Variants in SLC25A21 observed in about 807,000 individuals in gnomAD.
SLC25A21 encodes mitochondrial 2-oxodicarboxylate carrier.
In SLC25A21, 47 loss-of-function variants were observed where a neutral mutation model predicts 43.8. That is an observed-to-expected ratio of 1.07 (90% CI 0.85 to 1.37). The LOEUF is 1.37. Ranked by LOEUF, SLC25A21 falls within the 40% of genes most tolerant of loss-of-function variation. SLC25A21 has a pLI of 0.00. For missense variants in SLC25A21, 352 were observed against 350.2 expected (o/e 1.00, Z -0.04); for synonymous variants, 131 against 121.3 (o/e 1.08, Z -0.52).
At chr14:37,052,740 G>A (rs1483950571) in intron 1 of SLC25A21, among the ~76,000 whole-genome samples, 1 of 152,014 alleles carries the variant, frequency 6.6e-6, no homozygotes, top group Non-Finnish European at 1.5e-5. Flanking sequence ...CCAGGTTCAA[G>A]CGATTCTTGT....
At chr14:37,159,160 A>G (rs904937308) in intron 1 of SLC25A21, among the ~76,000 whole-genome samples, 5 of 152,114 alleles carry the variant, frequency 3.3e-5, no homozygotes, top group Admixed American at 6.5e-5. Flanking sequence ...AAGATTGCCC[A>G]AAGCAATCTA....
At chr14:37,095,866 T>C (rs1962684081) in intron 1 of SLC25A21, among the ~76,000 whole-genome samples, 1 of 150,926 alleles carries the variant, frequency 6.6e-6, no homozygotes, top group African/African-American at 2.5e-5. Flanking sequence ...GACCAGGTGA[T>C]CAAAATTAGC....
intron 1 of SLC25A21, among the ~76,000 whole-genome samples, chr14:37,151,172 C>T (rs1249559205): frequency 6.6e-6 from 1 of 152,142 alleles, no homozygotes; most frequent in African/African-American, 2.4e-5. Context: ...GTAGTCTATT[C>T]TAGTTTTTAC....
chr14:36,952,318 A>G (rs1379899430), intron 1 of SLC25A21: 1 of 153,968 alleles, frequency 6.5e-6, no homozygotes, highest in Non-Finnish European at 1.5e-5. Flanking sequence ...GGCAATGTAG[A>G]TATTTAAGCA....
At chr14:36,710,990 G>A (rs1323542615) in intron 7 of SLC25A21, among the ~76,000 whole-genome samples, 2 of 152,072 alleles carry the variant, frequency 1.3e-5, no homozygotes, top group African/African-American at 4.8e-5. Flanking sequence ...TAATAACATA[G>A]TTTCTAGAAA....
At chr14:36,966,978 A>G (rs951322644) in intron 1 of SLC25A21, among the ~76,000 whole-genome samples, 1 of 152,198 alleles carries the variant, frequency 6.6e-6, no homozygotes, top group Non-Finnish European at 1.5e-5. Context: ...TTATTTCTCT[A>G]TATAGAAATA....
chr14:36,968,726 G>A (rs1031637251), intron 1 of SLC25A21, among the ~76,000 whole-genome samples: 1 of 152,082 alleles, frequency 6.6e-6, no homozygotes, highest in African/African-American at 2.4e-5. Context: ...GAGCCTCCCC[G>A]GTATGAGAAT....
chr14:36,908,029 T>C (rs1488407761), intron 1 of SLC25A21, among the ~76,000 whole-genome samples: 13 of 152,176 alleles, frequency 8.5e-5, no homozygotes, highest in Admixed American at 7.9e-4. Flanking sequence ...ATAGAAGATA[T>C]GGTTGGGAGA....
intron 7 of SLC25A21, among the ~76,000 whole-genome samples, chr14:36,710,438 A>C (rs1319660584): frequency 1.3e-5 from 2 of 151,864 alleles, no homozygotes; most frequent in Non-Finnish European, 1.5e-5. Context: ...GAAAGAAAGA[A>C]AGAAAAAGAA....
chr14:37,165,054 C>T (rs1266069990), intron 1 of SLC25A21, among the ~76,000 whole-genome samples: 5 of 152,176 alleles, frequency 3.3e-5, no homozygotes, highest in Non-Finnish European at 7.4e-5. Flanking sequence ...AAAGTAAAAA[C>T]AGAGTAATTG....
chr14:37,022,430 C>T (rs950480494), intron 1 of SLC25A21, among the ~76,000 whole-genome samples: 4 of 151,910 alleles, frequency 2.6e-5, no homozygotes, highest in African/African-American at 7.2e-5. Context: ...TACCCCAACC[C>T]AATTGTTTCT....
chr14:36,800,224 T>C (rs1004966550), intron 3 of SLC25A21, among the ~76,000 whole-genome samples: 6 of 152,158 alleles, frequency 3.9e-5, no homozygotes, highest in African/African-American at 1.4e-4. Flanking sequence ...TCTGGGTATA[T>C]ACACCAAAGA....
At chr14:36,692,371 T>C (rs1166690358) in intron 7 of SLC25A21, among the ~76,000 whole-genome samples, 10 of 152,230 alleles carry the variant, frequency 6.6e-5, no homozygotes, top group Admixed American at 6.5e-4. Flanking sequence ...GTTAACACCC[T>C]ACACATTTGT....
intron 2 of SLC25A21, among the ~76,000 whole-genome samples, chr14:36,831,705 A>G (rs1019279106): frequency 6.7e-6 from 1 of 149,038 alleles, no homozygotes; most frequent in African/African-American, 2.5e-5. Flanking sequence ...TTATTATGAC[A>G]GCTTGGAACT....
At chr14:36,883,476 T>C (rs1443097120) in intron 1 of SLC25A21, among the ~76,000 whole-genome samples, 1 of 152,214 alleles carries the variant, frequency 6.6e-6, no homozygotes. Flanking sequence ...TTCTCTCTAG[T>C]GTGTACCAAC....
At chr14:36,863,032 TA>T (rs1441581356) in intron 2 of SLC25A21, among the ~76,000 whole-genome samples, 1 of 152,142 alleles carries the variant, frequency 6.6e-6, no homozygotes, top group South Asian at 2.1e-4. Flanking sequence ...GAACGGGGAC[TA>T]GGGGGAGGAA....
chr14:37,055,156 T>A (rs1316481449), intron 1 of SLC25A21, among the ~76,000 whole-genome samples: 1 of 152,202 alleles, frequency 6.6e-6, no homozygotes, highest in African/African-American at 2.4e-5. Context: ...AATTATCTAA[T>A]TCATAGGCCT....
At chr14:36,941,863 T>A (rs1359673299) in intron 1 of SLC25A21, among the ~76,000 whole-genome samples, 1 of 152,002 alleles carries the variant, frequency 6.6e-6, no homozygotes, top group Admixed American at 6.6e-5. Context: ...GAAATAAACA[T>A]TTTTTCAAAT....
intron 3 of SLC25A21, among the ~76,000 whole-genome samples, chr14:36,783,126 C>A (rs185920162): frequency 3.6e-4 from 48 of 132,092 alleles, no homozygotes; most frequent in African/African-American, 1.3e-3. Context: ...GACGATGTGC[C>A]TTATTTCAAT....
Sources: allele counts gnomAD v4.1 joint callset (sites outside exome capture counted in the v4.1 genomes callset), GRCh38; gene constraint gnomAD v4.1.1; transcripts MANE v1.5; gene names NCBI Gene and HGNC (gene_info 2026-07-23, HGNC 2026-07-21).